The following ENTREP2 variants were observed in gnomAD, a reference collection of about 807,000 sequenced individuals.
ENTREP2 encodes protein ENTREP2.
At chr15:29,226,033 G>T in the ENTREP2 span, among the ~76,000 whole-genome samples, 1 of 152,134 alleles carries the variant, frequency 6.6e-6, no homozygotes, top group African/African-American at 2.4e-5. Flanking sequence ...TTTGGAGCCC[G>T]AGCTGCTCAC....
At chr15:29,589,633 C>A in the ENTREP2 span, among the ~76,000 whole-genome samples, 1 of 152,222 alleles carries the variant, frequency 6.6e-6, no homozygotes, top group African/African-American at 2.4e-5. Context: ...CCTCTGCAGC[C>A]TTTTAGATGC....
the ENTREP2 span, among the ~76,000 whole-genome samples, chr15:29,429,805 G>A: frequency 6.6e-6 from 1 of 152,210 alleles, no homozygotes; most frequent in Non-Finnish European, 1.5e-5. Flanking sequence ...TGCCCGATCC[G>A]GGCCGGCGTG....
chr15:29,221,133 G>A, the ENTREP2 span, among the ~76,000 whole-genome samples: 3 of 152,026 alleles, frequency 2.0e-5, no homozygotes, highest in Admixed American at 2.0e-4. Context: ...TTGAAAGCAT[G>A]TCTTCCTAGG....
the ENTREP2 span, among the ~76,000 whole-genome samples, chr15:29,302,493 T>C: frequency 1.3e-5 from 2 of 152,198 alleles, no homozygotes; most frequent in Non-Finnish European, 2.9e-5. Flanking sequence ...CTACTGAAAG[T>C]TGATAAAGTT....
chr15:29,417,795 G>C, the ENTREP2 span, among the ~76,000 whole-genome samples: 1 of 152,006 alleles, frequency 6.6e-6, no homozygotes, highest in Non-Finnish European at 1.5e-5. Flanking sequence ...TTCTCTAACA[G>C]ATCTGGTCTG....
At chr15:29,163,062 C>G in the ENTREP2 span, among the ~76,000 whole-genome samples, 1 of 152,152 alleles carries the variant, frequency 6.6e-6, no homozygotes, top group Admixed American at 6.5e-5. Context: ...AGAGAGACAA[C>G]AATCACTGCA....
chr15:29,269,749 G>C, the ENTREP2 span: 1 of 1,426,400 alleles, frequency 7.0e-7, no homozygotes, highest in Non-Finnish European at 9.1e-7. Flanking sequence ...TAGGCAAGCA[G>C]CCGCGGCGGG....
chr15:29,392,257 C>T, the ENTREP2 span, among the ~76,000 whole-genome samples: 68 of 152,262 alleles, frequency 4.5e-4, no homozygotes, highest in African/African-American at 1.5e-3. Flanking sequence ...CCACTGTGCC[C>T]GGCCTGTAAT....
chr15:29,313,998 A>G, the ENTREP2 span, among the ~76,000 whole-genome samples: 2 of 152,192 alleles, frequency 1.3e-5, no homozygotes, highest in Non-Finnish European at 2.9e-5. Flanking sequence ...GGAAGTAATC[A>G]CAGATGTGGT....
the ENTREP2 span, among the ~76,000 whole-genome samples, chr15:29,510,443 T>C: frequency 1.3e-5 from 2 of 152,294 alleles, no homozygotes; most frequent in South Asian, 4.1e-4. Flanking sequence ...TAAAGACACA[T>C]GCACATGTAT....
the ENTREP2 span, among the ~76,000 whole-genome samples, chr15:29,195,581 G>A: frequency 6.6e-6 from 1 of 152,110 alleles, no homozygotes; most frequent in Non-Finnish European, 1.5e-5. Flanking sequence ...CTGGAGTGCA[G>A]TGGCACAATC....
the ENTREP2 span, among the ~76,000 whole-genome samples, chr15:29,511,644 G>T: frequency 1.3e-4 from 20 of 151,742 alleles, no homozygotes; most frequent in African/African-American, 4.8e-4. Context: ...TCAGAGATTT[G>T]TCAAAGGGCC....
the ENTREP2 span, among the ~76,000 whole-genome samples, chr15:29,671,224 C>T: frequency 2.0e-5 from 3 of 152,344 alleles, no homozygotes; most frequent in African/African-American, 4.8e-5. Context: ...TCCTGGGCTC[C>T]GGACCCTTCC....
At chr15:29,606,535 A>G in the ENTREP2 span, among the ~76,000 whole-genome samples, 3 of 151,968 alleles carry the variant, frequency 2.0e-5, no homozygotes, top group Non-Finnish European at 4.4e-5. Context: ...CTTTACACTT[A>G]AGGGTCAGTT....
the ENTREP2 span, among the ~76,000 whole-genome samples, chr15:29,531,885 C>T: frequency 0.011 from 1,679 of 152,264 alleles, 18 homozygotes; most frequent in Middle Eastern, 0.017. Context: ...AGGCTGGTCT[C>T]AAACCCCTGA....
At chr15:29,174,957 C>T in the ENTREP2 span, among the ~76,000 whole-genome samples, 1 of 152,158 alleles carries the variant, frequency 6.6e-6, no homozygotes, top group African/African-American at 2.4e-5. Flanking sequence ...TTTCAAAGAA[C>T]CTTTTACAAA....
the ENTREP2 span, among the ~76,000 whole-genome samples, chr15:29,639,672 G>A: frequency 1.3e-5 from 2 of 150,190 alleles, no homozygotes; most frequent in Non-Finnish European, 3.0e-5. Context: ...GCAAGCATAA[G>A]AAAGGAAATA....
chr15:29,529,328 T>A, the ENTREP2 span, among the ~76,000 whole-genome samples: 62 of 146,324 alleles, frequency 4.2e-4, no homozygotes, highest in Non-Finnish European at 7.4e-4. Context: ...TTTCTGAGTA[T>A]CTTCTCTATG....
At chr15:29,472,551 G>T in the ENTREP2 span, among the ~76,000 whole-genome samples, 3 of 151,158 alleles carry the variant, frequency 2.0e-5, no homozygotes, top group South Asian at 6.3e-4. Flanking sequence ...TGCAACCTCC[G>T]CCTCCTGGGT....
Sources: gnomAD v4.1 joint callset for allele counts (sites outside exome capture counted in the v4.1 genomes callset) on GRCh38, gnomAD v4.1.1 for gene constraint, MANE v1.5 for transcripts, NCBI Gene and HGNC (gene_info 2026-07-23, HGNC 2026-07-21) for gene names.